FARP1: variants seen among roughly 807,000 people sequenced by gnomAD.
The protein encoded by FARP1 is FERM, ARHGEF and pleckstrin domain-containing protein 1.
Under a neutral mutation model 128.8 loss-of-function variants are expected in FARP1, and 52 were observed. The ratio of observed to expected loss-of-function variants is 0.40; its 90% confidence interval spans 0.32 to 0.51. FARP1 has a LOEUF of 0.51. FARP1 is among the 20% of genes least tolerant of loss of function. FARP1 has a pLI of 0.45. For missense variants in FARP1, 1,333 were observed against 1,367.9 expected (o/e 0.97, Z 0.40); for synonymous variants, 580 against 551.8 (o/e 1.05, Z -0.72).
At chr13:98,431,539 G>T in intron 18 of FARP1, 2 of 286,566 alleles carry the variant, frequency 7.0e-6, no homozygotes, top group Non-Finnish European at 1.3e-5. Flanking sequence ...TCGGCTCACT[G>T]CAACCTCCAC....
intron 17 of FARP1, among the ~76,000 whole-genome samples, chr13:98,429,321 C>T (rs771270802): frequency 2.6e-5 from 4 of 152,224 alleles, no homozygotes; most frequent in Admixed American, 2.0e-4. Context: ...GGATGCAGGG[C>T]GGTCAGTGGG....
At chr13:98,380,417 ACT>A (rs959008232) in intron 6 of FARP1, among the ~76,000 whole-genome samples, 2 of 148,844 alleles carry the variant, frequency 1.3e-5, no homozygotes, top group Non-Finnish European at 3.0e-5. Flanking sequence ...ACAGAGTGAG[ACT>A]CTGTCTAAAA....
chr13:98,278,851 A>T (rs1382088272), intron 2 of FARP1, among the ~76,000 whole-genome samples: 2 of 149,786 alleles, frequency 1.3e-5, no homozygotes, highest in African/African-American at 2.5e-5. Context: ...TTTGAGACAG[A>T]GTCTCCCTCT....
chr13:98,318,904 G>C (rs1156894174), intron 2 of FARP1, among the ~76,000 whole-genome samples: 1 of 149,184 alleles, frequency 6.7e-6, no homozygotes, highest in East Asian at 2.0e-4. Flanking sequence ...AGACATATAT[G>C]TCTTCATATG....
In FARP1 at chr13:98,448,362, C is replaced by T. The variant is rs763488415; in HGVS notation, c.*45C>T. 3.4e-5 allele frequency: 49 copies of T among 1,420,922 alleles called. No individual in the cohort carries two copies. The highest frequency in any genetic ancestry group is 1.8e-4 in the Middle Eastern group (1 of 5,700). The allele number at this position is 1,420,922 out of a possible 1,614,324, so 88.0% of individuals were successfully genotyped here. On this transcript the variant is annotated 3_prime_UTR_variant, in exon 27 of 27. Coordinates refer to ENST00000319562, the MANE Select transcript of FARP1 (RefSeq NM_005766.4). ...CCGCAGTGGCTGCTTTCCTGGAAGA[C>T]GTTTCCTTTCTTCTGTATTAATGAA...
At position 98,353,886 on chromosome 13, in the gene FARP1, A is replaced by G. The variant is rs115163412; in HGVS notation, c.276+10020A>G. ...TCTTACCACAATTTTTAAGAGTTCA[A>G]TTAACCATAACACCCATGTGAAATC... is the stretch of plus-strand genomic sequence containing the variant. On this transcript the variant is annotated intron_variant, in intron 3 of 26. Transcript: ENST00000319562. Among the ~76,000 whole-genome samples, 687 of 152,354 alleles carry G rather than the reference A, an allele frequency of 4.5e-3. 5 individuals are homozygous for G. The highest frequency in any genetic ancestry group is 0.016 in the African/African-American group (653 of 41,586).
intron 2 of FARP1, among the ~76,000 whole-genome samples, chr13:98,312,133 T>C (rs1365803490): frequency 1.5e-5 from 2 of 132,728 alleles, no homozygotes; most frequent in African/African-American, 6.0e-5. Flanking sequence ...AGGTGGTAAC[T>C]GCTTTTTTTT....
Position 98,390,073 on chromosome 13 carries a change from A to G in FARP1, c.972A>G (p.Pro324=), listed in dbSNP as rs1395826395. The change falls in exon 10 of 27, where the codon CCA becomes CCG. Residue 324 remains proline (P), a synonymous_variant. Coordinates refer to ENST00000319562, the MANE Select transcript of FARP1 (RefSeq NM_005766.4). ...AFFRLFEEPK[P]KPKPVLFSRG... ...TTAGACTTTTTGAAGAGCCCAAACCAAAGCCCAAGCCCGTCCTCTTTAGCC... is the reference window on the plus strand; with the variant it reads ...TTAGACTTTTTGAAGAGCCCAAACCGAAGCCCAAGCCCGTCCTCTTTAGCC... 6.2e-7 allele frequency: 1 copy of G among 1,614,050 alleles called. No individual in the cohort carries two copies. The highest frequency in any genetic ancestry group is 8.5e-7 in the Non-Finnish European group (1 of 1,180,038).
At chr13:98,399,718 G>C (rs1230360361) in intron 13 of FARP1, 2 of 152,186 alleles carry the variant, frequency 1.3e-5, no homozygotes, top group Admixed American at 1.3e-4. Context: ...TCTTAAGACC[G>C]TGAATGGAAG....
At chr13:98,361,523 C>T (rs545090578) in intron 3 of FARP1, among the ~76,000 whole-genome samples, 1 of 152,170 alleles carries the variant, frequency 6.6e-6, no homozygotes, top group South Asian at 2.1e-4. Flanking sequence ...TCTGTGGCCA[C>T]CCTGGCAGTG....
chr13:98,153,186 A>C (rs959039504), intron 1 of FARP1, among the ~76,000 whole-genome samples: 1 of 150,454 alleles, frequency 6.6e-6, no homozygotes, highest in Admixed American at 6.8e-5. Flanking sequence ...TGGAAATATC[A>C]GGATATGGGG....
intron 16 of FARP1, among the ~76,000 whole-genome samples, chr13:98,421,150 A>T (rs1454221591): frequency 1.3e-5 from 2 of 152,222 alleles, no homozygotes; most frequent in Non-Finnish European, 2.9e-5. Flanking sequence ...CAGAGGTCTG[A>T]TGGTGCCAAC....
At chr13:98,172,116 C>T (rs569264706) in intron 1 of FARP1, among the ~76,000 whole-genome samples, 2 of 152,106 alleles carry the variant, frequency 1.3e-5, no homozygotes, top group East Asian at 3.9e-4. Flanking sequence ...TTTATCTGTG[C>T]TCTGCTGTTT....
chr13:98,152,257 TTA>T (rs751333281), intron 1 of FARP1, among the ~76,000 whole-genome samples: 3 of 152,214 alleles, frequency 2.0e-5, no homozygotes, highest in Non-Finnish European at 2.9e-5. Context: ...TAATTAGTCA[TTA>T]TGCCTAATGG....
intron 2 of FARP1, among the ~76,000 whole-genome samples, chr13:98,228,412 C>T (rs2139393022): frequency 6.6e-6 from 1 of 151,466 alleles, no homozygotes; most frequent in African/African-American, 2.4e-5. Context: ...CCCCATGTTA[C>T]CTGTTTTTTT....
In FARP1 at chr13:98,213,405, G is replaced by A. The variant is rs1380878061; in HGVS notation, c.163G>A (p.Glu55Lys). Residue 55 changes from glutamate (E) to lysine (K), a missense_variant, in exon 2 of 27, where the codon GAA becomes AAA. Around this residue, in one of 2 missense-constraint regions of FARP1, gnomAD observed 324 missense variants for 398.1 expected, o/e 0.81. Coordinates refer to ENST00000319562, the MANE Select transcript of FARP1 (RefSeq NM_005766.4). ...GCTGGATGACACCCAGGAGGCATTT[G>A]AAGTTCCAGTAAGTTGGGGGCTTAT... ...QMLDDTQEAF[E>K]VPQRAPGKVL... 6.2e-7 allele frequency: 1 copy of A among 1,613,694 alleles called. No homozygotes were observed. The highest frequency in any genetic ancestry group is 8.5e-7 in the Non-Finnish European group (1 of 1,179,920).
At chr13:98,291,297 A>ATC (rs1885435571) in intron 2 of FARP1, among the ~76,000 whole-genome samples, 1 of 152,228 alleles carries the variant, frequency 6.6e-6, no homozygotes, top group South Asian at 2.1e-4. Flanking sequence ...GAAGTGGATC[A>ATC]TCCGAAAGGC....
At chr13:98,443,254 G>A (rs1892602538) in intron 24 of FARP1, among the ~76,000 whole-genome samples, 1 of 152,218 alleles carries the variant, frequency 6.6e-6, no homozygotes, top group African/African-American at 2.4e-5. Context: ...CCCTAGTAGA[G>A]AGCAGGAGAG....
intron 2 of FARP1, among the ~76,000 whole-genome samples, chr13:98,327,799 G>A (rs1025497838): frequency 2.0e-5 from 3 of 152,164 alleles, no homozygotes; most frequent in African/African-American, 4.8e-5. Flanking sequence ...ATAAAGGGTC[G>A]CAGCCTGCAA....
Sources: gnomAD v4.1 joint callset for allele counts (sites outside exome capture counted in the v4.1 genomes callset) on GRCh38, gnomAD v4.1.1 for gene constraint, gnomAD v4.1.1 regional missense constraint, MANE v1.5 for transcripts, NCBI Gene and HGNC (gene_info 2026-07-23, HGNC 2026-07-21) for gene names.